The following FERMT1 variants were observed in gnomAD, a reference collection of about 807,000 sequenced individuals.
The protein encoded by FERMT1 is FERM domain containing kindlin 1, also known as fermitin family homolog 1.
A neutral mutation model predicts 85.3 loss-of-function variants in FERMT1; 60 were observed. The observed-to-expected ratio is 0.70, with a 90% CI of 0.57 to 0.87. FERMT1 has a LOEUF of 0.87. FERMT1 is among the 40% of genes least tolerant of loss of function. The pLI is 0.00. For synonymous variants in FERMT1, 275 were observed against 301.1 expected (o/e 0.91, Z 0.90); for missense variants, 701 against 818.9 (o/e 0.86, Z 1.76).
At chr20:6,081,677 T>C (rs979734803) in intron 13 of FERMT1, among the ~76,000 whole-genome samples, 1 of 152,146 alleles carries the variant, frequency 6.6e-6, no homozygotes, top group Non-Finnish European at 1.5e-5. Flanking sequence ...GAAGTTTTAC[T>C]GCAAATTAGG....
At chr20:6,092,872 G>T (rs1044517482) in intron 9 of FERMT1, among the ~76,000 whole-genome samples, 1 of 151,934 alleles carries the variant, frequency 6.6e-6, no homozygotes, top group Non-Finnish European at 1.5e-5. Flanking sequence ...CTGATGCTGC[G>T]TTTGTAGAAC....
chr20:6,077,291 T>C lies in FERMT1; in HGVS notation c.1916A>G (p.Asp639Gly). Residue 639 changes from aspartate (D) to glycine (G), a missense_variant, in exon 15 of 15, where the codon GAT becomes GGT. Physicochemically the swap from Asp to Gly is moderately conservative, Grantham distance 94. Coordinates refer to ENST00000217289, the MANE Select transcript of FERMT1 (RefSeq NM_017671.5). ...AATGTACTCGTGCACAATCTTGCAA[T>C]CTGCACTCAGGCAGGTGAAAGCAGT... ...VFTAFTCLSADCKIVHEYIGG... is the reference protein window; with the variant it reads ...VFTAFTCLSAGCKIVHEYIGG... 1 of 1,614,122 alleles carries C rather than the reference T, an allele frequency of 6.2e-7. No homozygotes were observed. Among genetic ancestry groups the C allele is most frequent in the Non-Finnish European group, 8.5e-7 (1 of 1,180,014 alleles).
chr20:6,110,472 T>TA lies in FERMT1; in HGVS notation c.571dup (p.Tyr191LeufsTer2). On this transcript the variant is annotated frameshift_variant, in exon 5 of 15. Transcript: ENST00000217289. LOFTEE classifies it high-confidence loss of function. ...TGCTGGTGTTCCATTGATGGGGTCA[T>TA]ATATAGGGGTCATGGTTTTACTGTA... 1 of 1,614,120 alleles carries TA rather than the reference T, an allele frequency of 6.2e-7. No homozygotes were observed. Among genetic ancestry groups the TA allele is most frequent in the Non-Finnish European group, 8.5e-7 (1 of 1,180,006 alleles).
chr20:6,111,407 G>A (rs533732811), intron 4 of FERMT1, among the ~76,000 whole-genome samples: 3 of 152,170 alleles, frequency 2.0e-5, no homozygotes, highest in African/African-American at 4.8e-5. Context: ...TGAGGCAGGC[G>A]GATCACTTGA....
In FERMT1 at chr20:6,119,471, G is replaced by A. The variant is rs765106857; in HGVS notation, c.84C>T (p.Asp28=). Residue 28 remains aspartate (D), a synonymous_variant, in exon 2 of 15, where the codon GAC becomes GAT. Coordinates refer to ENST00000217289, the MANE Select transcript of FERMT1 (RefSeq NM_017671.5). Reference sequence around the variant, plus strand: ...GGTCTCCAGATACTCTCAGTGTGACGTCTTTCTGCTGCTCTTCATTGGGAT... The same window carrying A: ...GGTCTCCAGATACTCTCAGTGTGACATCTTTCTGCTGCTCTTCATTGGGAT... ...VDHPNEEQQK[D]VTLRVSGDLH... 1.2e-5 allele frequency: 20 copies of A among 1,613,964 alleles called. No individual in the cohort carries two copies. Among genetic ancestry groups the A allele is most frequent in the African/African-American group, 6.7e-5 (5 of 74,930 alleles).
chr20:6,118,704 T>G lies in FERMT1; in HGVS notation c.151+700A>C, dbSNP rs1021564759. On this transcript the variant is annotated intron_variant, in intron 2 of 14. Coordinates refer to ENST00000217289, the MANE Select transcript of FERMT1 (RefSeq NM_017671.5). ...CTGACACGCTACAAGGTGAAGAGTG[T>G]AACCCTGAAGATTTCTTTCTTTGTT... Among the ~76,000 whole-genome samples the G allele has an allele frequency of 1.2e-4, 19 of 152,318 alleles. No individual in the cohort carries two copies. The East Asian group carries it at 1.9e-3, about 15-fold the overall frequency.
chr20:6,102,062 C>T (rs1396762710), intron 6 of FERMT1, among the ~76,000 whole-genome samples: 4 of 152,100 alleles, frequency 2.6e-5, no homozygotes. Context: ...CGGTCTCACC[C>T]TGTCATGCAG....
At chr20:6,119,809 C>T (rs189522904) in intron 1 of FERMT1, among the ~76,000 whole-genome samples, 2 of 152,278 alleles carry the variant, frequency 1.3e-5, no homozygotes, top group East Asian at 3.9e-4. Flanking sequence ...TTTTTCCATT[C>T]ACCCACTTCT....
In FERMT1 at chr20:6,091,054, C is replaced by CT. The variant is rs1348907174; in HGVS notation, c.1140-1966_1140-1965insA. 4.6e-5 allele frequency among the ~76,000 whole-genome samples: 7 copies of CT among 151,468 alleles called. No homozygotes were observed. In the East Asian group the frequency reaches 1.4e-3, roughly 31 times the overall value. ...TGGCGTGCACCTGTAGTCCCAGCTACCCGGAGGCTGAGGCACAAGGATTGC... is the reference window on the plus strand; with the variant it reads ...TGGCGTGCACCTGTAGTCCCAGCTACTCCGGAGGCTGAGGCACAAGGATTGC... On this transcript the variant is annotated intron_variant, in intron 9 of 14. Coordinates refer to ENST00000217289, the MANE Select transcript of FERMT1 (RefSeq NM_017671.5).
chr20:6,085,289 T>G lies in FERMT1; in HGVS notation c.1372-2A>C. On this transcript the variant is annotated splice_acceptor_variant, in intron 11 of 14. Coordinates refer to ENST00000217289, the MANE Select transcript of FERMT1 (RefSeq NM_017671.5). LOFTEE classifies it high-confidence loss of function. Reference sequence around the variant, plus strand: ...CATCCATTGGGCGTATTGATTCTCCTGCAGCAAACAGAAGGTTGAGAAGCA... The same window carrying G: ...CATCCATTGGGCGTATTGATTCTCCGGCAGCAAACAGAAGGTTGAGAAGCA... The G allele has an allele frequency of 1.2e-6, 2 of 1,613,000 alleles. No homozygotes were observed. Among genetic ancestry groups the G allele is most frequent in the Non-Finnish European group, 8.5e-7 (1 of 1,179,914 alleles).
chr20:6,084,236 T>A (rs1982099103), intron 12 of FERMT1, 72 bp from the exon 13 acceptor site: 3 of 1,530,402 alleles, frequency 2.0e-6, no homozygotes, highest in East Asian at 2.4e-5. Context: ...TAGCTCCAGA[T>A]CCCCCATAAG....
chr20:6,115,572 A>G (rs1178131280), intron 3 of FERMT1, among the ~76,000 whole-genome samples: 2 of 152,226 alleles, frequency 1.3e-5, no homozygotes, highest in Non-Finnish European at 2.9e-5. Flanking sequence ...TTGTCTATTA[A>G]CAAATCTCTT....
At chr20:6,112,652 G>C in intron 3 of FERMT1, 29 bp from the exon 4 acceptor site, 1 of 1,452,188 alleles carries the variant, frequency 6.9e-7, no homozygotes. Flanking sequence ...TAAAAATGAA[G>C]AAAAAGTAAA....
chr20:6,085,177 C>T lies in FERMT1; in HGVS notation c.1482G>A (p.Arg494=), dbSNP rs1600427792. 1 of 1,614,148 alleles carries T rather than the reference C, an allele frequency of 6.2e-7. No individual in the cohort carries two copies. ...GAGATGCAGAGTTCCTGTTTTTCATCCTCAGAAATGAAAGGATGTTGAGGA... is the reference window on the plus strand; with the variant it reads ...GAGATGCAGAGTTCCTGTTTTTCATTCTCAGAAATGAAAGGATGTTGAGGA... ...PEVLNILSFL[R]MKNRNSASQV... The change falls in exon 12 of 15, where the codon AGG becomes AGA. Residue 494 remains arginine, a synonymous_variant. Transcript: ENST00000217289.
At chr20:6,081,298 G>A (rs1981990195) in intron 13 of FERMT1, among the ~76,000 whole-genome samples, 1 of 151,632 alleles carries the variant, frequency 6.6e-6, no homozygotes, top group Admixed American at 6.6e-5. Flanking sequence ...ACTGAGGACT[G>A]TGCACTCTGG....
intron 5 of FERMT1, among the ~76,000 whole-genome samples, chr20:6,108,310 G>T (rs191418996): frequency 1.3e-5 from 2 of 152,306 alleles, no homozygotes; most frequent in African/African-American, 4.8e-5. Context: ...TTGGATAAGG[G>T]ATACTGAACC....
chr20:6,099,823 C>A (rs1363236275), intron 6 of FERMT1, among the ~76,000 whole-genome samples: 1 of 132,456 alleles, frequency 7.5e-6, no homozygotes, highest in Non-Finnish European at 1.6e-5. Flanking sequence ...TGATGAGTCA[C>A]TGTTTCTAAA....
At chr20:6,121,996 A>G (rs956087762) in intron 1 of FERMT1, among the ~76,000 whole-genome samples, 1 of 152,246 alleles carries the variant, frequency 6.6e-6, no homozygotes, top group African/African-American at 2.4e-5. Flanking sequence ...TAAATGCTAT[A>G]ATTGTGAAGT....
chr20:6,118,961 C>A (rs1282048463), intron 2 of FERMT1, among the ~76,000 whole-genome samples: 1 of 146,422 alleles, frequency 6.8e-6, no homozygotes, highest in African/African-American at 2.5e-5. Flanking sequence ...TTTTTTTTTT[C>A]CCCCGACACC....
Sources: gnomAD v4.1 joint callset for allele counts (sites outside exome capture counted in the v4.1 genomes callset) on GRCh38, gnomAD v4.1.1 for gene constraint, MANE v1.5 for transcripts, NCBI Gene and HGNC (gene_info 2026-07-23, HGNC 2026-07-21) for gene names.